The following MTTP variants were observed in gnomAD, a reference collection of about 807,000 sequenced individuals.
The protein encoded by MTTP is microsomal triglyceride transfer protein, also known as microsomal triglyceride transfer protein large subunit.
MTTP carries 49 observed loss-of-function variants against 90.6 expected under a neutral mutation model. That is an observed-to-expected ratio of 0.54 (90% CI 0.43 to 0.69). The LOEUF is 0.69. Ranked by LOEUF, MTTP falls within the 30% of genes least tolerant of loss-of-function variation. The probability of loss-of-function intolerance (pLI) is 0.00; values close to 1 mark genes in which losing one functional copy is unlikely to be tolerated. For synonymous variants in MTTP, 347 were observed against 384.2 expected (o/e 0.90, Z 1.13); for missense variants, 945 against 1,067.5 (o/e 0.89, Z 1.60).
At chr4:99,591,559 G>C in intron 5 of MTTP, 92 bp from the exon 6 acceptor site, 1 of 1,421,650 alleles carries the variant, frequency 7.0e-7, no homozygotes, top group Non-Finnish European at 9.8e-7. Flanking sequence ...TGGGGAAGCT[G>C]TTTGTAGACT....
At chr4:99,614,037 C>G (rs1044327991) in intron 15 of MTTP, among the ~76,000 whole-genome samples, 1 of 152,116 alleles carries the variant, frequency 6.6e-6, no homozygotes, top group African/African-American at 2.4e-5. Context: ...ACTGTGTACT[C>G]TAATTCATAC....
At chr4:99,622,527 C>T in intron 17 of MTTP, 150 bp from the exon 18 acceptor site, 1 of 750,226 alleles carries the variant, frequency 1.3e-6, no homozygotes, top group Non-Finnish European at 2.3e-6. Flanking sequence ...AGAAGAAAAT[C>T]ACCCATTCAT....
In MTTP at chr4:99,608,747, T is replaced by C. The variant is rs138494212; in HGVS notation, c.1558-19T>C. The C allele has an allele frequency of 5.4e-5, 86 of 1,589,416 alleles. No homozygotes were observed. In the African/African-American group the frequency reaches 9.8e-4, roughly 18 times the overall value. ...TTAAAAATCTAGATGTGCACTAAGT[T>C]TGAACATCTTATGAACAGGTGAAGA... On this transcript the variant is annotated intron_variant, in intron 11 of 17. Coordinates refer to ENST00000265517, the MANE Select transcript of MTTP (RefSeq NM_001386140.1).
At position 99,574,903 on chromosome 4, in the gene MTTP, G is replaced by A; in HGVS notation, c.-7G>A. 2 of 1,614,086 alleles carry A rather than the reference G, an allele frequency of 1.2e-6. No homozygotes were observed. The highest frequency in any genetic ancestry group is 8.5e-7 in the Non-Finnish European group (1 of 1,179,996). On this transcript the variant is annotated 5_prime_UTR_variant, in exon 1 of 18. Coordinates refer to ENST00000265517, the MANE Select transcript of MTTP (RefSeq NM_001386140.1). The stretch of plus-strand genomic sequence containing the variant: ...GCACTGGATGCAGTTGAGGATTGCT[G>A]GTCAATATGATTCTTCTTGCTGTGC...
In MTTP at chr4:99,611,172, T is replaced by A. The variant is rs1408515094; in HGVS notation, c.1799T>A (p.Met600Lys). Residue 600 changes from methionine to lysine, a missense_variant, in exon 13 of 18, where the codon ATG (methionine) becomes AAG (lysine). Coordinates refer to ENST00000265517, the MANE Select transcript of MTTP (RefSeq NM_001386140.1). ...ATTGTCCGTCGAGTTCTGAAGGAAA[T>A]GGTCGCTCACAATTATGACCGTTTC... is the stretch of plus-strand genomic sequence containing the variant. ...SKIVRRVLKE[M>K]VAHNYDRFSR... 1 of 1,613,888 alleles carries A rather than the reference T, an allele frequency of 6.2e-7. No individual in the cohort carries two copies. The highest frequency in any genetic ancestry group is 8.5e-7 in the Non-Finnish European group (1 of 1,179,978).
intron 10 of MTTP, among the ~76,000 whole-genome samples, chr4:99,603,181 C>A (rs2110226319): frequency 6.6e-6 from 1 of 152,128 alleles, no homozygotes; most frequent in East Asian, 1.9e-4. Context: ...GTGAGAAATT[C>A]TGTGGGGTTG....
chr4:99,594,957 A>T, intron 7 of MTTP, 74 bp downstream of exon 7: 1 of 1,558,648 alleles, frequency 6.4e-7, no homozygotes, highest in Admixed American at 1.7e-5. Context: ...GAAAGCATCA[A>T]CTCATTCAAT....
chr4:99,601,439 T>C (rs1286962994), intron 9 of MTTP, among the ~76,000 whole-genome samples, 168 bp from the exon 10 acceptor site: 1 of 144,752 alleles, frequency 6.9e-6, no homozygotes, highest in East Asian at 1.9e-4. Flanking sequence ...ACTCTTCAAT[T>C]CAAAGCTAGA....
intron 1 of MTTP, among the ~76,000 whole-genome samples, chr4:99,567,119 G>GA (rs1042120801): frequency 6.6e-6 from 1 of 151,814 alleles, no homozygotes; most frequent in African/African-American, 2.4e-5. Context: ...CAAAAATACA[G>GA]AAAAAAAACT....
rs762327589 is a variant in MTTP, at chr4:99,591,784, T to C, written c.752T>C (p.Val251Ala). 1.2e-6 allele frequency: 2 copies of C among 1,611,678 alleles called. No homozygotes were observed. The highest frequency in any genetic ancestry group is 1.1e-5 in the South Asian group (1 of 90,924). The change falls in exon 6 of 18, where the codon GTA (valine) becomes GCA (alanine). Residue 251 changes from valine (V) to alanine (A), a missense_variant. Physicochemically the swap from Val to Ala is moderately conservative, Grantham distance 64. Coordinates refer to ENST00000265517, the MANE Select transcript of MTTP (RefSeq NM_001386140.1). ...NFLQTIKGKI[V>A]SKQKLELKTT... ...CTACAAACCATTAAGGGGAAAATAG[T>C]ATCGAAGTAAGATAATGCTAAAATT...
intron 1 of MTTP, among the ~76,000 whole-genome samples, chr4:99,579,857 G>T (rs901896930): frequency 6.6e-6 from 1 of 151,572 alleles, no homozygotes; most frequent in Non-Finnish European, 1.5e-5. Context: ...GGCCAACAAG[G>T]CAAAACCCTA....
At chr4:99,608,699 C>T in intron 11 of MTTP, 67 bp from the exon 12 acceptor site, 1 of 1,177,476 alleles carries the variant, frequency 8.5e-7, no homozygotes, top group South Asian at 1.2e-5. Context: ...ACTATTCCTG[C>T]TATTCCTGCT....
intron 1 of MTTP, among the ~76,000 whole-genome samples, chr4:99,564,653 C>T (rs1244911503): frequency 6.6e-6 from 1 of 152,040 alleles, no homozygotes; most frequent in Non-Finnish European, 1.5e-5. Flanking sequence ...AAATACAACC[C>T]CGTAGATTGT....
At chr4:99,576,747 G>A (rs1256603522) in intron 1 of MTTP, among the ~76,000 whole-genome samples, 6 of 150,944 alleles carry the variant, frequency 4.0e-5, no homozygotes, top group Non-Finnish European at 8.9e-5. Context: ...CTAGACAATG[G>A]CATAATTGGG....
Position 99,621,117 on chromosome 4 carries a change from G to A in MTTP, c.2399G>A (p.Gly800Asp). Residue 800 changes from glycine to aspartate, a missense_variant, in exon 17 of 18, where the codon GGC (glycine) becomes GAC (aspartate). Gly to Asp is a moderately conservative substitution (Grantham distance 94). Coordinates refer to ENST00000265517, the MANE Select transcript of MTTP (RefSeq NM_001386140.1). ...GTGGACTCCTCTTTTGTGAAAGCTG[G>A]CCTGGAAACCAGTACAGAAACAGAA... Reference protein sequence around the residue: ...ITVDSSFVKAGLETSTETEAG... With the variant: ...ITVDSSFVKADLETSTETEAG... The A allele has an allele frequency of 6.2e-7, 1 of 1,614,068 alleles. No individual in the cohort carries two copies. The highest frequency in any genetic ancestry group is 8.5e-7 in the Non-Finnish European group (1 of 1,179,982).
At chr4:99,564,304 C>G (rs1208947770) in intron 1 of MTTP, 2 of 1,442,772 alleles carry the variant, frequency 1.4e-6, no homozygotes, top group East Asian at 2.5e-5. Flanking sequence ...AAGAAAGGCT[C>G]CTAATTTTTC....
upstream of MTTP, among the ~76,000 whole-genome samples, chr4:99,573,586 CAT>C (rs1724886485): frequency 6.6e-6 from 1 of 152,072 alleles, no homozygotes; most frequent in Non-Finnish European, 1.5e-5. Context: ...TTTCGATCTT[CAT>C]ATATATAATT....
chr4:99,576,700 A>AC (rs1310976239), intron 1 of MTTP, among the ~76,000 whole-genome samples: 1 of 150,810 alleles, frequency 6.6e-6, no homozygotes, highest in African/African-American at 2.4e-5. Flanking sequence ...GTCTCAAAAA[A>AC]AAAAAAAAAA....
In MTTP at chr4:99,594,828, C is replaced by G. The variant is rs566965111; in HGVS notation, c.854C>G (p.Thr285Arg). ...ATCAAAGCAGTTGATTCAAAGTACA[C>G]GGCCATTCCCATTGTGGGGCAGGTC... ...AIIKAVDSKY[T>R]AIPIVGQVFQ... The change falls in exon 7 of 18, where the codon ACG (threonine) becomes AGG (arginine). Residue 285 changes from threonine (T) to arginine (R), a missense_variant. Thr to Arg is a moderately conservative substitution (Grantham distance 71). Transcript: ENST00000265517. 96 of 1,613,866 alleles carry G rather than the reference C, an allele frequency of 5.9e-5. No homozygotes were observed. The highest frequency in any genetic ancestry group is 7.6e-5 in the Non-Finnish European group (90 of 1,179,922).
Sources: allele counts gnomAD v4.1 joint callset (sites outside exome capture counted in the v4.1 genomes callset), GRCh38; gene constraint gnomAD v4.1.1; transcripts MANE v1.5; gene names NCBI Gene and HGNC (gene_info 2026-07-23, HGNC 2026-07-21).